WASF3: variants seen among roughly 807,000 people sequenced by gnomAD.
WASF3 encodes the protein WASP family member 3.
WASF3 carries 11 observed loss-of-function variants against 46.6 expected under a neutral mutation model. The ratio of observed to expected loss-of-function variants is 0.24; its 90% confidence interval spans 0.15 to 0.39. The LOEUF is 0.39. WASF3 is among the 10% of genes least tolerant of loss of function. The probability of loss-of-function intolerance (pLI) is 1.00; values close to 1 mark genes in which losing one functional copy is unlikely to be tolerated. For synonymous variants in WASF3, 242 were observed against 259.7 expected (o/e 0.93, Z 0.65); for missense variants, 576 against 669.8 (o/e 0.86, Z 1.55).
rs200299739 is a variant in WASF3 at position 26,578,993 on chromosome 13, C to CTTTTTTTTTTTT, written c.-109+21186_-109+21197dup. 4.1e-3 allele frequency among the ~76,000 whole-genome samples: 248 copies of CTTTTTTTTTTTT among 60,622 alleles called. 33 individuals carry two copies. The highest frequency in any genetic ancestry group is 4.9e-3 in the African/African-American group (64 of 13,030). 39.8% of individuals were successfully genotyped at this position (60,622 alleles called of 152,430 possible). On this transcript the variant is annotated intron_variant, in intron 1 of 9. Coordinates refer to ENST00000335327, the MANE Select transcript of WASF3 (RefSeq NM_006646.6). Reference sequence around the variant, plus strand: ...ACCTTATATTCTTGGGATACATTTCCTTTTTTTTTTTTTTTTTTTTTTTGT... The same window carrying CTTTTTTTTTTTT: ...ACCTTATATTCTTGGGATACATTTCCTTTTTTTTTTTTTTTTTTTTTTTTTTTTTTTTTTTGT...
chr13:26,586,900 A>C (rs963894027), intron 1 of WASF3, among the ~76,000 whole-genome samples: 1 of 151,910 alleles, frequency 6.6e-6, no homozygotes, highest in Non-Finnish European at 1.5e-5. Context: ...AAAAATCCTC[A>C]ATTTCAGTCT....
intron 2 of WASF3, among the ~76,000 whole-genome samples, chr13:26,614,222 C>T (rs566498075): frequency 6.6e-6 from 1 of 152,266 alleles, no homozygotes; most frequent in Admixed American, 6.5e-5. Flanking sequence ...TTGCCTTGAC[C>T]TTGGGCATAT....
At chr13:26,685,608 C>A (rs1883377897) in intron 9 of WASF3, 80 bp from the exon 10 acceptor site, 1 of 1,549,574 alleles carries the variant, frequency 6.5e-7, no homozygotes, top group Non-Finnish European at 8.8e-7. Context: ...AAAAAAAGTC[C>A]AATAGACATA....
upstream of WASF3, among the ~76,000 whole-genome samples, chr13:26,554,870 T>C (rs1399961018): frequency 1.3e-5 from 2 of 152,316 alleles, no homozygotes; most frequent in African/African-American, 2.4e-5. Flanking sequence ...TGTGTGGGCA[T>C]GTTTTCAGCA....
chr13:26,547,419 C>A, the WASF3 span, among the ~76,000 whole-genome samples: 9 of 151,604 alleles, frequency 5.9e-5, no homozygotes, highest in African/African-American at 2.2e-4. Flanking sequence ...CACACACACA[C>A]ACACACACCC....
At chr13:26,578,087 C>A (rs542630718) in intron 1 of WASF3, among the ~76,000 whole-genome samples, 2 of 152,116 alleles carry the variant, frequency 1.3e-5, no homozygotes. Context: ...TACCTCTTTT[C>A]CAATCTAGAT....
In WASF3 at chr13:26,681,338, G is replaced by A. The variant is rs944642003; in HGVS notation, c.983+18G>A. The A allele has an allele frequency of 7.7e-6, 12 of 1,555,950 alleles. No individual in the cohort carries two copies. In the Admixed American group the frequency reaches 7.9e-5, roughly 10 times the overall value. On this transcript the variant is annotated intron_variant, in intron 8 of 9. Coordinates refer to ENST00000335327, the MANE Select transcript of WASF3 (RefSeq NM_006646.6). Reference sequence around the variant, plus strand: ...GACTACGGGTAACTCAGCATGCCTTGTACCCTAATCCCTCCTGGCCTTGCA... The same window carrying A: ...GACTACGGGTAACTCAGCATGCCTTATACCCTAATCCCTCCTGGCCTTGCA...
At chr13:26,662,637 G>T (rs1482634681) in intron 3 of WASF3, among the ~76,000 whole-genome samples, 1 of 152,164 alleles carries the variant, frequency 6.6e-6, no homozygotes, top group African/African-American at 2.4e-5. Flanking sequence ...TAGACACTGG[G>T]GACTACTGGA....
intron 1 of WASF3, chr13:26,576,762 T>G: frequency 3.1e-6 from 1 of 318,138 alleles, no homozygotes. Context: ...AATAGACTCA[T>G]TGGAAATGCA....
At chr13:26,655,617 G>A (rs766413976) in intron 3 of WASF3, among the ~76,000 whole-genome samples, 1 of 152,140 alleles carries the variant, frequency 6.6e-6, no homozygotes, top group Non-Finnish European at 1.5e-5. Flanking sequence ...AGTTGCTGTG[G>A]TGGTTGCAGA....
intron 1 of WASF3, among the ~76,000 whole-genome samples, chr13:26,595,589 G>A (rs536900417): frequency 6.6e-6 from 1 of 152,034 alleles, no homozygotes; most frequent in East Asian, 1.9e-4. Context: ...TCGTATAACC[G>A]CTGCCACCTT....
rs367628863 is a variant in WASF3, at chr13:26,665,192, G to A, written c.268+30G>A. ...GTAATTGCCTGAAAGCAGTGAGCTA[G>A]AAGTGATGTTGACAAGATGGTAGTA... On this transcript the variant is annotated intron_variant, in intron 4 of 9. Coordinates refer to ENST00000335327, the MANE Select transcript of WASF3 (RefSeq NM_006646.6). 5 of 1,609,468 alleles carry A rather than the reference G, an allele frequency of 3.1e-6. No homozygotes were observed. The South Asian group carries it at 5.5e-5, about 18-fold the overall frequency.
intron 1 of WASF3, among the ~76,000 whole-genome samples, chr13:26,594,199 C>T (rs541324724): frequency 6.6e-6 from 1 of 152,232 alleles, no homozygotes; most frequent in South Asian, 2.1e-4. Flanking sequence ...TCCCCTTGGC[C>T]ATACCATCAA....
chr13:26,671,323 A>G (rs920000063), intron 5 of WASF3, among the ~76,000 whole-genome samples: 1 of 152,234 alleles, frequency 6.6e-6, no homozygotes, highest in Non-Finnish European at 1.5e-5. Flanking sequence ...TCCAGTTTGA[A>G]AATACATAGT....
At chr13:26,660,248 TAAATA>T (rs1882592308) in intron 3 of WASF3, among the ~76,000 whole-genome samples, 1 of 100,260 alleles carries the variant, frequency 1.0e-5, no homozygotes, top group African/African-American at 3.6e-5. Context: ...GAACTTTTGT[TAAATA>T]AAAAGAAAAA....
chr13:26,563,391 G>A (rs913458890), intron 1 of WASF3, among the ~76,000 whole-genome samples: 19 of 151,972 alleles, frequency 1.3e-4, no homozygotes, highest in African/African-American at 4.6e-4. Flanking sequence ...AATGCCTGGT[G>A]TGGTGGCTAA....
intron 1 of WASF3, among the ~76,000 whole-genome samples, chr13:26,571,565 T>C (rs1879637710): frequency 6.6e-6 from 1 of 152,210 alleles, no homozygotes; most frequent in Non-Finnish European, 1.5e-5. Context: ...GCTGGGTCTA[T>C]TTTTGGGCGT....
In WASF3 at chr13:26,685,774, C is replaced by T. The variant is rs1223316181; in HGVS notation, c.1438C>T (p.Arg480Trp). 3 of 1,613,328 alleles carry T rather than the reference C, an allele frequency of 1.9e-6. No individual in the cohort carries two copies. Among genetic ancestry groups the T allele is most frequent in the East Asian group, 2.2e-5 (1 of 44,770 alleles). Residue 480 changes from arginine (R) to tryptophan (W), a missense_variant, in exon 10 of 10, where the codon CGG becomes TGG. Physicochemically the swap from Arg to Trp is moderately radical, Grantham distance 101. This residue lies in a region of WASF3 where 68 missense variants were observed against 100.3 expected (regional missense o/e 0.68). Coordinates refer to ENST00000335327, the MANE Select transcript of WASF3 (RefSeq NM_006646.6). ...GAATGACGTGGCCACGATCCTGTCCCGGCGCATTGCCGTGGAGTACAGCGA... is the reference window on the plus strand; with the variant it reads ...GAATGACGTGGCCACGATCCTGTCCTGGCGCATTGCCGTGGAGTACAGCGA... ...VGNDVATILS[R>W]RIAVEYSDSD... is the part of the protein sequence containing the mutation.
At chr13:26,561,228 A>G (rs1471322257) in intron 1 of WASF3, among the ~76,000 whole-genome samples, 1 of 152,178 alleles carries the variant, frequency 6.6e-6, no homozygotes, top group African/African-American at 2.4e-5. Context: ...AAAGAGGGAC[A>G]CGGTCAAATT....
Sources: gnomAD v4.1 joint callset for allele counts (sites outside exome capture counted in the v4.1 genomes callset) on GRCh38, gnomAD v4.1.1 for gene constraint, gnomAD v4.1.1 regional missense constraint, MANE v1.5 for transcripts, NCBI Gene and HGNC (gene_info 2026-07-23, HGNC 2026-07-21) for gene names.